Variants in CNTNAP5 observed in about 807,000 individuals in gnomAD.
CNTNAP5 encodes contactin-associated protein-like 5.
In CNTNAP5, 72 loss-of-function variants were observed where a neutral mutation model predicts 150.2. The ratio of observed to expected loss-of-function variants is 0.48; its 90% confidence interval spans 0.40 to 0.58. CNTNAP5 has a LOEUF of 0.58. Among genes scored for constraint, CNTNAP5 ranks in the 20% least tolerant of loss-of-function variants. CNTNAP5 has a pLI of 0.00. For missense variants in CNTNAP5, 1,636 were observed against 1,626.2 expected (o/e 1.01, Z -0.10); for synonymous variants, 672 against 619.8 (o/e 1.08, Z -1.25).
At chr2:124,802,114 G>A (rs956256824) in intron 19 of CNTNAP5, among the ~76,000 whole-genome samples, 2 of 152,130 alleles carry the variant, frequency 1.3e-5, no homozygotes, top group Admixed American at 1.3e-4. Flanking sequence ...TCAAGTATCC[G>A]CCTCCAGGTT....
chr2:124,637,415 C>T (rs1677993767), intron 12 of CNTNAP5, among the ~76,000 whole-genome samples: 1 of 152,120 alleles, frequency 6.6e-6, no homozygotes, highest in Non-Finnish European at 1.5e-5. Flanking sequence ...CAGAAAGTCT[C>T]ATGAACAATG....
chr2:124,216,188 C>G (rs949477054), intron 1 of CNTNAP5, among the ~76,000 whole-genome samples: 3 of 152,062 alleles, frequency 2.0e-5, no homozygotes, highest in African/African-American at 7.2e-5. Context: ...TTGGTTATAC[C>G]CACAGAAGTA....
At chr2:124,855,644 T>C (rs1338269114) in intron 19 of CNTNAP5, among the ~76,000 whole-genome samples, 3 of 152,194 alleles carry the variant, frequency 2.0e-5, no homozygotes, top group African/African-American at 7.2e-5. Context: ...TTACCCTAAG[T>C]CCCAGCTCAA....
At chr2:124,503,851 G>T (rs1694333947) in intron 7 of CNTNAP5, among the ~76,000 whole-genome samples, 1 of 152,084 alleles carries the variant, frequency 6.6e-6, no homozygotes. Context: ...TCCTTCCTTT[G>T]TTTTGTTTTC....
intron 1 of CNTNAP5, among the ~76,000 whole-genome samples, chr2:124,060,539 TG>T (rs1681981430): frequency 6.6e-6 from 1 of 152,188 alleles, no homozygotes; most frequent in Admixed American, 6.5e-5. Flanking sequence ...ATTCTATTTG[TG>T]GGTATACCCG....
At chr2:124,500,748 GC>G (rs149724696) in intron 7 of CNTNAP5, among the ~76,000 whole-genome samples, 12,004 of 152,090 alleles carry the variant, frequency 0.079, 663 homozygotes, top group South Asian at 0.18. Context: ...TCCATCTTTG[GC>G]CCAGCACTTC....
chr2:124,063,851 C>T (rs1454661806), intron 1 of CNTNAP5, among the ~76,000 whole-genome samples: 1 of 152,140 alleles, frequency 6.6e-6, no homozygotes, highest in Non-Finnish European at 1.5e-5. Flanking sequence ...TTTAAGGCAG[C>T]ATAGTATGTC....
intron 3 of CNTNAP5, among the ~76,000 whole-genome samples, chr2:124,411,056 C>T (rs1405053260): frequency 3.3e-5 from 5 of 152,064 alleles, no homozygotes; most frequent in South Asian, 4.1e-4. Context: ...ATATCACTGC[C>T]GATCCCACAG....
chr2:124,891,445 G>A (rs1040823527), intron 21 of CNTNAP5, among the ~76,000 whole-genome samples: 5 of 152,064 alleles, frequency 3.3e-5, no homozygotes, highest in Non-Finnish European at 2.9e-5. Flanking sequence ...AGACCCCATC[G>A]CTCAGTGAAG....
chr2:124,580,498 C>T (rs780690974), intron 11 of CNTNAP5, among the ~76,000 whole-genome samples: 47 of 152,376 alleles, frequency 3.1e-4, no homozygotes, highest in South Asian at 8.3e-4. Context: ...CGTGGCTGCA[C>T]TGGTGTCTCT....
chr2:124,434,533 C>T lies in CNTNAP5; in HGVS notation c.579C>T (p.Phe193=), dbSNP rs1029762803. The T allele has an allele frequency of 3.7e-6, 6 of 1,613,858 alleles. No homozygotes were observed. In the African/African-American group the frequency reaches 8.0e-5, roughly 22 times the overall value. ...FDGRSSLLYR[F]NQKLMSTLKD... ...GCCGAAGCTCACTTCTGTACAGGTT[C>T]AATCAGAAGTTGATGAGTACTCTCA... Residue 193 remains phenylalanine (F), a synonymous_variant, in exon 5 of 24, where the codon TTC becomes TTT. Transcript: ENST00000682447.
chr2:124,563,613 C>A (rs997212893), intron 11 of CNTNAP5, among the ~76,000 whole-genome samples: 1 of 152,098 alleles, frequency 6.6e-6, no homozygotes, highest in African/African-American at 2.4e-5. Flanking sequence ...GCTGTAGGCA[C>A]ACAAGAGGGA....
chr2:124,491,312 G>A (rs867057430), intron 7 of CNTNAP5, among the ~76,000 whole-genome samples: 5 of 151,976 alleles, frequency 3.3e-5, no homozygotes, highest in African/African-American at 1.2e-4. Flanking sequence ...TCTATGTCTG[G>A]TTTATTTAAC....
At chr2:124,099,183 A>C (rs887510347) in intron 1 of CNTNAP5, among the ~76,000 whole-genome samples, 1 of 151,628 alleles carries the variant, frequency 6.6e-6, no homozygotes, top group Non-Finnish European at 1.5e-5. Context: ...CTTCACTTAC[A>C]CTCTTCTCCC....
intron 3 of CNTNAP5, among the ~76,000 whole-genome samples, chr2:124,291,826 T>G (rs1338296580): frequency 6.6e-6 from 1 of 152,232 alleles, no homozygotes; most frequent in African/African-American, 2.4e-5. Flanking sequence ...TCTGTCTCTC[T>G]TGACTCCTGT....
At chr2:124,101,071 A>C (rs1683051419) in intron 1 of CNTNAP5, among the ~76,000 whole-genome samples, 1 of 152,112 alleles carries the variant, frequency 6.6e-6, no homozygotes, top group Non-Finnish European at 1.5e-5. Flanking sequence ...GGACCCATAG[A>C]ACTTGGTCAA....
chr2:124,626,097 A>T (rs1236352330), intron 12 of CNTNAP5, among the ~76,000 whole-genome samples: 1 of 152,180 alleles, frequency 6.6e-6, no homozygotes, highest in Admixed American at 6.5e-5. Context: ...AATAAAAGTA[A>T]TCACTTTTAT....
chr2:124,812,344 A>G (rs1351797574), intron 19 of CNTNAP5, among the ~76,000 whole-genome samples: 1 of 150,656 alleles, frequency 6.6e-6, no homozygotes, highest in Admixed American at 6.7e-5. Context: ...ACCAAAAATA[A>G]AATTTGAAGT....
At chr2:124,160,593 G>A (rs1468934461) in intron 1 of CNTNAP5, among the ~76,000 whole-genome samples, 1 of 151,854 alleles carries the variant, frequency 6.6e-6, no homozygotes, top group Non-Finnish European at 1.5e-5. Context: ...AACTGAGCCT[G>A]TAGGTATACA....
Sources: allele counts gnomAD v4.1 joint callset (sites outside exome capture counted in the v4.1 genomes callset), GRCh38; gene constraint gnomAD v4.1.1; transcripts MANE v1.5; gene names NCBI Gene and HGNC (gene_info 2026-07-23, HGNC 2026-07-21).